Variants in PDE4D observed in about 807,000 individuals in gnomAD.
PDE4D encodes 3',5'-cyclic-AMP phosphodiesterase 4D.
PDE4D carries 24 observed loss-of-function variants against 87.4 expected under a neutral mutation model. That is an observed-to-expected ratio of 0.27 (90% CI 0.20 to 0.39). The LOEUF (loss-of-function observed/expected upper bound fraction) is 0.39. Ranked by LOEUF, PDE4D falls within the 10% of genes least tolerant of loss-of-function variation. The pLI is 1.00. For missense variants in PDE4D, 714 were observed against 1,041.0 expected (o/e 0.69, Z 4.32); for synonymous variants, 384 against 383.2 (o/e 1.00, Z -0.02).
intron 1 of PDE4D, among the ~76,000 whole-genome samples, chr5:59,427,410 C>A (rs7714403): frequency 6.6e-6 from 1 of 151,550 alleles, no homozygotes; most frequent in African/African-American, 2.4e-5. Context: ...ATTATTTAAC[C>A]TGTTCTGGGC....
At chr5:60,183,207 C>A (rs184897591) in intron 2 of PDE4D, among the ~76,000 whole-genome samples, 1 of 152,272 alleles carries the variant, frequency 6.6e-6, no homozygotes, top group East Asian at 1.9e-4. Flanking sequence ...CTTGAACTTC[C>A]CAGCCTGCAG....
chr5:59,977,064 C>A (rs1761413659), intron 3 of PDE4D, among the ~76,000 whole-genome samples: 1 of 152,144 alleles, frequency 6.6e-6, no homozygotes, highest in African/African-American at 2.4e-5. Flanking sequence ...AATAACCTTA[C>A]AATGGCCTAT....
At chr5:60,009,980 C>A (rs1266251081) in intron 2 of PDE4D, among the ~76,000 whole-genome samples, 1 of 151,706 alleles carries the variant, frequency 6.6e-6, no homozygotes, top group Non-Finnish European at 1.5e-5. Context: ...TACATTGTGG[C>A]CTCTATTTTT....
intron 1 of PDE4D, among the ~76,000 whole-genome samples, chr5:59,859,150 A>G (rs1292959253): frequency 6.6e-6 from 1 of 152,190 alleles, no homozygotes; most frequent in African/African-American, 2.4e-5. Flanking sequence ...AACATCTTTC[A>G]TTTCCTAGGG....
chr5:59,529,065 G>T, intron 1 of PDE4D: 1 of 468,346 alleles, frequency 2.1e-6, no homozygotes, highest in Non-Finnish European at 4.3e-6. Flanking sequence ...GCCTTAATTC[G>T]TTGGACCTAT....
In PDE4D at chr5:59,984,607, G is replaced by A. The variant is rs1187377846; in HGVS notation, c.272+3881C>T. On this transcript the variant is annotated intron_variant, in intron 3 of 16. Transcript: ENST00000502484. ...GAAAAAAAGTCAAAGTAGAAATATG[G>A]AAGTGTGAATAACTAAAAGTCCTTT... Among the ~76,000 whole-genome samples, 6 of 152,302 alleles carry A rather than the reference G, an allele frequency of 3.9e-5. No homozygotes were observed. In the South Asian group the frequency reaches 8.3e-4, roughly 21 times the overall value.
At chr5:59,258,729 AT>A (rs1487146883) in intron 1 of PDE4D, among the ~76,000 whole-genome samples, 1 of 148,730 alleles carries the variant, frequency 6.7e-6, no homozygotes, top group Non-Finnish European at 1.5e-5. Context: ...ATAGATATAT[AT>A]ATCAGTTAGA....
chr5:60,182,633 C>T (rs553640212), intron 2 of PDE4D, among the ~76,000 whole-genome samples: 1 of 152,092 alleles, frequency 6.6e-6, no homozygotes, highest in East Asian at 1.9e-4. Flanking sequence ...AATCCCAGCA[C>T]TTTGGGAAGC....
At chr5:59,691,445 T>C (rs1423655339) in intron 1 of PDE4D, among the ~76,000 whole-genome samples, 1 of 151,972 alleles carries the variant, frequency 6.6e-6, no homozygotes, top group Non-Finnish European at 1.5e-5. Context: ...CTGGAAACCA[T>C]CATTCTGAGC....
intron 1 of PDE4D, among the ~76,000 whole-genome samples, chr5:59,464,792 T>C (rs1801322101): frequency 1.3e-5 from 2 of 152,130 alleles, no homozygotes; most frequent in African/African-American, 4.8e-5. Context: ...AAAAATAATG[T>C]GATAAAAACA....
intron 2 of PDE4D, among the ~76,000 whole-genome samples, chr5:60,143,237 T>C (rs781748679): frequency 6.6e-6 from 1 of 152,216 alleles, no homozygotes; most frequent in Non-Finnish European, 1.5e-5. Context: ...CTGCATTCTC[T>C]GACATGTTTG....
At chr5:59,420,796 C>T (rs1489981876) in intron 1 of PDE4D, among the ~76,000 whole-genome samples, 2 of 151,636 alleles carry the variant, frequency 1.3e-5, no homozygotes, top group East Asian at 1.9e-4. Flanking sequence ...GCCATGGTAA[C>T]ACCAGTATCA....
intron 1 of PDE4D, among the ~76,000 whole-genome samples, chr5:60,391,633 T>C (rs1293204467): frequency 1.3e-5 from 2 of 152,198 alleles, no homozygotes; most frequent in East Asian, 3.8e-4. Context: ...CCCTCTCTTT[T>C]CCTGCCTACC....
intron 1 of PDE4D, among the ~76,000 whole-genome samples, chr5:59,416,393 G>A (rs1793614994): frequency 6.6e-6 from 1 of 152,090 alleles, no homozygotes. Flanking sequence ...CTGTATGCCT[G>A]AATTTTTTTC....
intron 2 of PDE4D, among the ~76,000 whole-genome samples, chr5:60,073,834 C>T (rs1006877528): frequency 6.6e-6 from 1 of 151,956 alleles, no homozygotes; most frequent in South Asian, 2.1e-4. Context: ...TCATAGTAGT[C>T]TCTGATGGTT....
chr5:60,349,634 A>G (rs1367802348), intron 1 of PDE4D, among the ~76,000 whole-genome samples: 3 of 152,202 alleles, frequency 2.0e-5, no homozygotes, highest in Non-Finnish European at 4.4e-5. Context: ...TCTGAAATTT[A>G]TAAACACAAT....
chr5:59,087,366 G>T (rs1051880853), intron 5 of PDE4D, among the ~76,000 whole-genome samples: 4 of 151,968 alleles, frequency 2.6e-5, no homozygotes, highest in Non-Finnish European at 5.9e-5. Flanking sequence ...CGTGCTTATA[G>T]TCCCAGCTAC....
chr5:59,992,259 G>A (rs530834773), intron 2 of PDE4D, among the ~76,000 whole-genome samples: 1 of 152,292 alleles, frequency 6.6e-6, no homozygotes, highest in South Asian at 2.1e-4. Context: ...GTTACAACAT[G>A]CTTCTACAGA....
At chr5:59,362,963 T>A (rs933755984) in intron 1 of PDE4D, among the ~76,000 whole-genome samples, 1 of 152,188 alleles carries the variant, frequency 6.6e-6, no homozygotes, top group Admixed American at 6.5e-5. Context: ...AGTCATAAAC[T>A]TTCCCATTCC....
Sources: allele counts gnomAD v4.1 joint callset (sites outside exome capture counted in the v4.1 genomes callset), GRCh38; gene constraint gnomAD v4.1.1; transcripts MANE v1.5; gene names NCBI Gene and HGNC (gene_info 2026-07-23, HGNC 2026-07-21).